Variants in ALKBH8 observed in about 807,000 individuals in gnomAD.
ALKBH8 encodes alkB homolog 8, tRNA methyltransferase.
In ALKBH8, 36 loss-of-function variants were observed where a neutral mutation model predicts 59.8. The ratio of observed to expected loss-of-function variants is 0.60; its 90% CI spans 0.46 to 0.79. The LOEUF (loss-of-function observed/expected upper bound fraction) is 0.79, where lower values mean the gene tolerates loss of function less well. ALKBH8 is among the 30% of genes least tolerant of loss of function. The pLI is 0.00. For synonymous variants in ALKBH8, 276 were observed against 273.6 expected (o/e 1.01, Z -0.09); for missense variants, 768 against 801.0 (o/e 0.96, Z 0.50).
At chr11:107,520,235 T>C (rs1863051494) in intron 10 of ALKBH8, among the ~76,000 whole-genome samples, 1 of 152,206 alleles carries the variant, frequency 6.6e-6, no homozygotes, top group Admixed American at 6.5e-5. Context: ...AAGTACCGTA[T>C]GCCTGGAAAT....
chr11:107,512,116 T>C (rs1460945904), intron 10 of ALKBH8, among the ~76,000 whole-genome samples: 2 of 152,030 alleles, frequency 1.3e-5, no homozygotes, highest in East Asian at 3.9e-4. Flanking sequence ...TTTTAGGAGC[T>C]GGGATTTCCC....
chr11:107,551,640 A>G (rs183789911), intron 6 of ALKBH8, among the ~76,000 whole-genome samples, 168 bp downstream of exon 6: 2,062 of 150,350 alleles, frequency 0.014, 39 homozygotes, highest in African/African-American at 0.047. Context: ...GTTGCAGTGA[A>G]CCGAGACCAC....
intron 7 of ALKBH8, among the ~76,000 whole-genome samples, chr11:107,532,768 C>T (rs560611911): frequency 1.3e-5 from 2 of 152,120 alleles, no homozygotes; most frequent in Non-Finnish European, 2.9e-5. Flanking sequence ...ACACTCATAT[C>T]CTGGCTCTTC....
chr11:107,550,492 C>T (rs1041724614), intron 6 of ALKBH8, among the ~76,000 whole-genome samples: 7 of 152,208 alleles, frequency 4.6e-5, no homozygotes, highest in African/African-American at 1.7e-4. Flanking sequence ...ACACATGCTC[C>T]TTCACATTTC....
chr11:107,551,927 C>A lies in ALKBH8; in HGVS notation c.596-15G>T. The A allele has an allele frequency of 2.2e-6, 3 of 1,380,124 alleles. No individual in the cohort carries two copies. The South Asian group carries it at 4.9e-5, about 22-fold the overall frequency. The allele number at this position is 1,380,124 out of a possible 1,614,324, so 85.5% of individuals were successfully genotyped here. A position where few individuals can be genotyped will look rare whatever the true frequency, so the allele number is the denominator to read the frequency against. On this transcript the variant is annotated splice_polypyrimidine_tract_variant and intron_variant, in intron 5 of 11. Transcript: ENST00000428149. Reference sequence around the variant, plus strand: ...GTCAGGAAGACCTACAATGAGTAATCATAAAGACAAAACATTAAAATATTT... The same window carrying A: ...GTCAGGAAGACCTACAATGAGTAATAATAAAGACAAAACATTAAAATATTT...
Position 107,504,750 on chromosome 11 carries a change from G to T in ALKBH8, c.1903C>A (p.Leu635Met). Reference protein sequence around the residue: ...RYYHVFREGELEGACRTVSDV... With the variant: ...RYYHVFREGEMEGACRTVSDV... ...CTCACAGTCCTGCAGGCACCTTCCA[G>T]TTCTCCCTCACGGAACACATGGTAG... The change falls in exon 12 of 12, where the codon CTG becomes ATG. Residue 635 changes from leucine to methionine, a missense_variant. Transcript: ENST00000428149. The T allele has an allele frequency of 1.3e-6, 2 of 1,552,058 alleles. No individual in the cohort carries two copies. Among genetic ancestry groups the T allele is most frequent in the African/African-American group, 1.4e-5 (1 of 73,134 alleles).
At chr11:107,529,902 C>A (rs2135519341) in intron 8 of ALKBH8, among the ~76,000 whole-genome samples, 1 of 152,246 alleles carries the variant, frequency 6.6e-6, no homozygotes, top group African/African-American at 2.4e-5. Context: ...TAAATGACAA[C>A]TGATGCTCAG....
intron 7 of ALKBH8, among the ~76,000 whole-genome samples, chr11:107,545,983 T>A (rs1326814847): frequency 6.6e-6 from 1 of 152,044 alleles, no homozygotes; most frequent in Non-Finnish European, 1.5e-5. Flanking sequence ...AAAAGTCAAA[T>A]AAAGGAATTT....
At chr11:107,509,429 T>C (rs1862530182) in intron 11 of ALKBH8, among the ~76,000 whole-genome samples, 1 of 152,206 alleles carries the variant, frequency 6.6e-6, no homozygotes, top group Non-Finnish European at 1.5e-5. Context: ...AATTTGCAAA[T>C]ATTTTCTCCT....
chr11:107,527,046 T>C (rs1343284650), intron 8 of ALKBH8, among the ~76,000 whole-genome samples: 1 of 151,954 alleles, frequency 6.6e-6, no homozygotes, highest in Non-Finnish European at 1.5e-5. Context: ...TCACATTTCC[T>C]TATAAATTTT....
In ALKBH8 at chr11:107,533,634, G is replaced by C. The variant is rs569348402; in HGVS notation, c.772-1228C>G. ...ATTCGAAACACCGGAGATTAATTCT[G>C]AAGTTTTTAGAGATGAAGTGTATTG... On this transcript the variant is annotated intron_variant, in intron 7 of 11. Transcript: ENST00000428149. Among the ~76,000 whole-genome samples the C allele has an allele frequency of 8.5e-5, 13 of 152,150 alleles. No homozygotes were observed. The South Asian group carries it at 2.7e-3, about 32-fold the overall frequency.
At chr11:107,542,316 A>C (rs1043729027) in intron 7 of ALKBH8, among the ~76,000 whole-genome samples, 1 of 152,198 alleles carries the variant, frequency 6.6e-6, no homozygotes, top group Non-Finnish European at 1.5e-5. Flanking sequence ...TCTTAAAAGA[A>C]CCTAGAGAAA....
intron 11 of ALKBH8, among the ~76,000 whole-genome samples, chr11:107,508,610 A>G (rs1862493179): frequency 6.6e-6 from 1 of 152,190 alleles, no homozygotes; most frequent in Admixed American, 6.5e-5. Flanking sequence ...CCATCTCCAG[A>G]ATTTTTTTCA....
rs1213527454 is a variant in ALKBH8, at chr11:107,503,972, GC to G, written c.*685del. On this transcript the variant is annotated 3_prime_UTR_variant, in exon 12 of 12. Coordinates refer to ENST00000428149, the MANE Select transcript of ALKBH8 (RefSeq NM_138775.3). ...GCACATAGTATCTATTTATTGATTT[GC>G]CTGCTGTCTGTCTCCCCGTCTAGAA... 6.6e-6 allele frequency: 1 copy of G among 152,194 alleles called. No individual in the cohort carries two copies. The highest frequency in any genetic ancestry group is 1.5e-5 in the Non-Finnish European group (1 of 68,106). 9.4% of individuals were successfully genotyped at this position (152,194 alleles called of 1,614,324 possible).
chr11:107,534,737 T>A (rs1411239374), intron 7 of ALKBH8, among the ~76,000 whole-genome samples: 1 of 148,818 alleles, frequency 6.7e-6, no homozygotes, highest in Non-Finnish European at 1.5e-5. Context: ...TTTTTCTGTA[T>A]CAAATTGACC....
At chr11:107,555,153 G>C (rs1404829527) in intron 3 of ALKBH8, among the ~76,000 whole-genome samples, 1 of 152,056 alleles carries the variant, frequency 6.6e-6, no homozygotes, top group Non-Finnish European at 1.5e-5. Flanking sequence ...TCAGCTTCTC[G>C]GGAGGCTGAG....
At chr11:107,527,470 T>A (rs1356248878) in intron 8 of ALKBH8, among the ~76,000 whole-genome samples, 1 of 152,002 alleles carries the variant, frequency 6.6e-6, no homozygotes, top group African/African-American at 2.4e-5. Context: ...ACATAATGTA[T>A]TTCAATTCTC....
intron 11 of ALKBH8, among the ~76,000 whole-genome samples, chr11:107,506,880 G>C (rs1253854798): frequency 1.3e-5 from 2 of 152,118 alleles, no homozygotes; most frequent in Non-Finnish European, 2.9e-5. Context: ...GGTAAATAAA[G>C]TGAAGAAATA....
chr11:107,531,223 A>G (rs1863580426), intron 8 of ALKBH8, among the ~76,000 whole-genome samples: 1 of 152,114 alleles, frequency 6.6e-6, no homozygotes, highest in South Asian at 2.1e-4. Context: ...CATTTCCTTG[A>G]GTTTTTATAA....
Sources: gnomAD v4.1 joint callset for allele counts (sites outside exome capture counted in the v4.1 genomes callset) on GRCh38, gnomAD v4.1.1 for gene constraint, MANE v1.5 for transcripts, NCBI Gene and HGNC (gene_info 2026-07-23, HGNC 2026-07-21) for gene names.